Variants in ELK3 observed in about 807,000 individuals in gnomAD.
ELK3 encodes the protein ETS domain-containing protein Elk-3.
ELK3 carries 10 observed loss-of-function variants against 28.9 expected under a neutral mutation model. That is an observed-to-expected ratio of 0.35 (90% CI 0.21 to 0.59). ELK3 has a LOEUF of 0.59. Among genes scored for constraint, ELK3 ranks in the 20% least tolerant of loss-of-function variants. The pLI, the probability that ELK3 is intolerant of heterozygous loss-of-function variation, is 0.82. For synonymous variants in ELK3, 272 were observed against 243.5 expected, an observed-to-expected ratio of 1.12 and a Z score of -1.09; for missense variants, 463 against 517.3, an observed-to-expected ratio of 0.90 and a Z score of 1.02.
chr12:96,267,036 C>A lies in ELK3; in HGVS notation c.1126-46C>A, dbSNP rs778466030. The stretch of plus-strand genomic sequence containing the variant: ...GAATGTAAAGAACCTAAGTTCTTCC[C>A]AATGGATTTGCAATAATTATTGTAA... On this transcript the variant is annotated intron_variant, in intron 4 of 4. Transcript: ENST00000228741. 13 of 1,533,972 alleles carry A rather than the reference C, an allele frequency of 8.5e-6. No individual in the cohort carries two copies. The Admixed American group carries it at 2.0e-4, about 24-fold the overall frequency.
intron 1 of ELK3, among the ~76,000 whole-genome samples, chr12:96,198,850 A>G (rs1193120906): frequency 6.6e-6 from 1 of 152,212 alleles, no homozygotes; most frequent in African/African-American, 2.4e-5. Context: ...TTACTGTTTT[A>G]TAACTTTTTT....
chr12:96,226,802 A>G (rs1951705203), intron 2 of ELK3, among the ~76,000 whole-genome samples: 1 of 152,200 alleles, frequency 6.6e-6, no homozygotes, highest in Non-Finnish European at 1.5e-5. Context: ...GTTTAAAAAG[A>G]AAAGAAGGAG....
chr12:96,206,304 C>T (rs1208640589), intron 1 of ELK3, among the ~76,000 whole-genome samples: 1 of 152,002 alleles, frequency 6.6e-6, no homozygotes, highest in African/African-American at 2.4e-5. Flanking sequence ...TCTTCTTTCT[C>T]TTTCCCTTTT....
In ELK3 at chr12:96,247,283, G is replaced by C. The variant is rs1378493997; in HGVS notation, c.551G>C (p.Arg184Thr). Residue 184 changes from arginine to threonine, a missense_variant, in exon 3 of 5, where the codon AGG becomes ACG. Arg to Thr is a moderately conservative substitution (Grantham distance 71, BLOSUM62 -1). Transcript: ENST00000228741. This position sits in a 1 kb window ranked among gnomAD's most constrained non-coding sequence, Gnocchi z 5.5. The part of the protein sequence containing the change: ...PPVEEVRTVI[R>T]FVTNKTDKHV... ...GTGGAAGAAGTCAGGACTGTGATCA[G>C]GTTTGTGACCAATAAAACCGACAAG... The C allele has an allele frequency of 3.1e-6, 5 of 1,614,134 alleles. No homozygotes were observed. In the South Asian group the frequency reaches 3.3e-5, roughly 11 times the overall value.
intron 4 of ELK3, among the ~76,000 whole-genome samples, chr12:96,262,017 CTTTTTTT>C (rs57348208): frequency 6.1e-5 from 7 of 115,652 alleles, no homozygotes; most frequent in South Asian, 3.0e-4. Flanking sequence ...CTGATAAAAA[CTTTTTTT>C]TTTTTTTTTT....
At chr12:96,226,644 A>C (rs1193913123) in intron 2 of ELK3, among the ~76,000 whole-genome samples, 2 of 152,248 alleles carry the variant, frequency 1.3e-5, no homozygotes, top group African/African-American at 2.4e-5. Context: ...CCACTTGCAC[A>C]TACATATCCA....
chr12:96,240,410 G>A (rs1004927902), intron 2 of ELK3, among the ~76,000 whole-genome samples: 4 of 152,182 alleles, frequency 2.6e-5, no homozygotes, highest in Non-Finnish European at 5.9e-5. Context: ...TGCATCGGGC[G>A]TTCTGATAGA....
chr12:96,230,129 G>A (rs556551445), intron 2 of ELK3, among the ~76,000 whole-genome samples: 15 of 152,228 alleles, frequency 9.9e-5, no homozygotes, highest in African/African-American at 3.4e-4. Context: ...GTTTAGATAC[G>A]TTGAGATACA....
At chr12:96,260,922 T>TG (rs1340127482) in intron 4 of ELK3, among the ~76,000 whole-genome samples, 1 of 152,194 alleles carries the variant, frequency 6.6e-6, no homozygotes, top group Non-Finnish European at 1.5e-5. Flanking sequence ...CACTAAACTA[T>TG]GGGCCCTCGA....
intron 2 of ELK3, among the ~76,000 whole-genome samples, chr12:96,225,222 C>T (rs942132354): frequency 6.6e-6 from 1 of 152,194 alleles, no homozygotes; most frequent in Non-Finnish European, 1.5e-5. Flanking sequence ...AAAAGCTGGG[C>T]TTTGAGACTC....
At chr12:96,202,042 C>T (rs1217756503) in intron 1 of ELK3, among the ~76,000 whole-genome samples, 3 of 152,128 alleles carry the variant, frequency 2.0e-5, no homozygotes, top group African/African-American at 7.2e-5. Flanking sequence ...AATTCCTCCT[C>T]CTTCCTTCTG....
In ELK3 at chr12:96,259,800, C is replaced by T. The variant is rs1157258409; in HGVS notation, c.1072C>T (p.Pro358Ser). ...CATACATTTCTGGAGCAGCCTTAGT[C>T]CAGTTGCTCCGCTGAGTCCTGCCAG... ...SSIHFWSSLS[P>S]VAPLSPARLQ... Residue 358 changes from proline (P) to serine (S), a missense_variant, in exon 4 of 5, where the codon CCA (proline) becomes TCA (serine). Transcript: ENST00000228741. The T allele has an allele frequency of 6.2e-7, 1 of 1,610,516 alleles. No homozygotes were observed. The highest frequency in any genetic ancestry group is 1.1e-5 in the South Asian group (1 of 90,788).
chr12:96,240,073 C>T (rs1449402556), intron 2 of ELK3, among the ~76,000 whole-genome samples: 3 of 152,146 alleles, frequency 2.0e-5, no homozygotes, highest in East Asian at 3.8e-4. Flanking sequence ...AAGTGCTGGC[C>T]GTGTTAGGCA....
intron 3 of ELK3, among the ~76,000 whole-genome samples, chr12:96,253,836 G>A (rs140125781): frequency 2.5e-4 from 38 of 152,316 alleles, no homozygotes; most frequent in African/African-American, 8.7e-4. Context: ...GATAATCACT[G>A]AAAACTAAGC....
At chr12:96,261,968 A>G (rs1319254739) in intron 4 of ELK3, among the ~76,000 whole-genome samples, 1 of 149,434 alleles carries the variant, frequency 6.7e-6, no homozygotes, top group Admixed American at 6.7e-5. Flanking sequence ...GCAGGGCCCC[A>G]CTCCCAGAGT....
At position 96,247,551 on chromosome 12, in the gene ELK3, C is replaced by G; in HGVS notation, c.819C>G (p.Pro273=). ...AACHDSDSLE[P]LNLSSGSKTK... is the part of the protein sequence containing the mutation. ...GCCATGACTCCGATTCCCTGGAGCC[C>G]TTGAACCTGTCATCGGGCTCCAAGA... is the stretch of plus-strand genomic sequence containing the variant. The change falls in exon 3 of 5, where the codon CCC becomes CCG. Residue 273 remains proline (P), a synonymous_variant. Transcript: ENST00000228741. The surrounding 1 kb of genome is among the most constrained non-coding windows in gnomAD (Gnocchi z 5.5). 1 of 1,614,170 alleles carries G rather than the reference C, an allele frequency of 6.2e-7. No individual in the cohort carries two copies. The highest frequency in any genetic ancestry group is 8.5e-7 in the Non-Finnish European group (1 of 1,180,028).
intron 1 of ELK3, among the ~76,000 whole-genome samples, chr12:96,205,882 C>CT: frequency 6.6e-6 from 1 of 152,194 alleles, no homozygotes; most frequent in East Asian, 1.9e-4. Context: ...TAATTCACCC[C>CT]TTTAGTTGCT....
At chr12:96,234,535 C>T (rs1337792012) in intron 2 of ELK3, among the ~76,000 whole-genome samples, 3 of 152,196 alleles carry the variant, frequency 2.0e-5, no homozygotes, top group Admixed American at 6.5e-5. Context: ...TGCACGGCCT[C>T]TCCCCCACCC....
At chr12:96,227,049 A>T (rs1464269393) in intron 2 of ELK3, among the ~76,000 whole-genome samples, 1 of 152,154 alleles carries the variant, frequency 6.6e-6, no homozygotes, top group Non-Finnish European at 1.5e-5. Context: ...TTTTCGACTC[A>T]CAGAAATGGC....
Sources: gnomAD v4.1 joint callset for allele counts (sites outside exome capture counted in the v4.1 genomes callset) on GRCh38, gnomAD v4.1.1 for gene constraint, Gnocchi (gnomAD v3.1) non-coding constraint, MANE v1.5 for transcripts, NCBI Gene and HGNC (gene_info 2026-07-23, HGNC 2026-07-21) for gene names.